The following TWF1 variants were observed in gnomAD, a reference collection of about 807,000 sequenced individuals.
The protein encoded by TWF1 is twinfilin actin binding protein 1.
In TWF1, 14 loss-of-function variants were observed where a neutral mutation model predicts 47.9. The observed-to-expected ratio is 0.29, with a 90% confidence interval of 0.19 to 0.46. TWF1 has a LOEUF of 0.46. Ranked by LOEUF, TWF1 falls within the 20% of genes least tolerant of loss-of-function variation. The pLI, the probability that TWF1 is intolerant of heterozygous loss-of-function variation, is 1.00. For missense variants in TWF1, 281 were observed against 409.3 expected, an observed-to-expected ratio of 0.69 and a Z score of 2.70; for synonymous variants, 96 against 139.2, an observed-to-expected ratio of 0.69 and a Z score of 2.18.
chr12:43,795,278 C>G lies in TWF1; in HGVS notation c.*307G>C, dbSNP rs891361041. 1 of 220,192 alleles carries G rather than the reference C, an allele frequency of 4.5e-6. No individual in the cohort carries two copies. The highest frequency in any genetic ancestry group is 9.8e-5 in the East Asian group (1 of 10,194). 13.6% of individuals were successfully genotyped at this position (220,192 alleles called of 1,614,324 possible). A position where few individuals can be genotyped will look rare whatever the true frequency, so the allele number is the denominator to read the frequency against. On this transcript the variant is annotated 3_prime_UTR_variant, in exon 9 of 9. Transcript: ENST00000395510. ...GTAGTAAGTTTACCCTTTGAGACATCAGACTTTCTAGAACTGGCCCAACTG... is the reference window on the plus strand; with the variant it reads ...GTAGTAAGTTTACCCTTTGAGACATGAGACTTTCTAGAACTGGCCCAACTG...
rs1204122092 is a variant in TWF1 at position 43,806,203 on chromosome 12, C to G, written c.25+18G>C. 1 of 1,539,698 alleles carries G rather than the reference C, an allele frequency of 6.5e-7. No individual in the cohort carries two copies. The highest frequency in any genetic ancestry group is 1.2e-5 in the South Asian group (1 of 83,682). ...TCCCGGAAGCCCCTTCCCTGCGAGT[C>G]GCGCCGGGCGCTGTTACCTTGGATG... On this transcript the variant is annotated intron_variant, in intron 1 of 8. Coordinates refer to ENST00000395510, the MANE Select transcript of TWF1 (RefSeq NM_002822.5).
In TWF1 at chr12:43,800,466, T is replaced by C. The variant is rs1289613968; in HGVS notation, c.347A>G (p.His116Arg). The change falls in exon 4 of 9, where the codon CAC becomes CGC. Residue 116 changes from histidine (H) to arginine (R), a missense_variant. Coordinates refer to ENST00000395510, the MANE Select transcript of TWF1 (RefSeq NM_002822.5). ...TGTTCCAAATACTTCATCTTTAATG[T>C]GGCCACCTCCAAATTCCTTCTTCAG... The part of the protein sequence containing the change: ...ATLKKEFGGG[H>R]IKDEVFGTVK... 3 of 1,613,712 alleles carry C rather than the reference T, an allele frequency of 1.9e-6. No homozygotes were observed. The highest frequency in any genetic ancestry group is 2.5e-6 in the Non-Finnish European group (3 of 1,179,896).
chr12:43,802,425 G>C lies in TWF1; in HGVS notation c.143C>G (p.Ser48Cys), dbSNP rs771493356. Residue 48 changes from serine (S) to cysteine (C), a missense_variant, in exon 3 of 9, where the codon TCC (serine) becomes TGC (cysteine). Coordinates refer to ENST00000395510, the MANE Select transcript of TWF1 (RefSeq NM_002822.5). ...AAAGGAATCATAATCCTTATCCCAG[G>C]AATCTGAAGGCTGACTATATGATCC... ...VIGSYSQPSD[S>C]WDKDYDSFVL... The C allele has an allele frequency of 6.2e-7, 1 of 1,602,514 alleles. No individual in the cohort carries two copies. Among genetic ancestry groups the C allele is most frequent in the East Asian group, 2.2e-5 (1 of 44,620 alleles).
At position 43,797,650 on chromosome 12, in the gene TWF1, T is replaced by C; in HGVS notation, c.609+58A>G. ...TAAAATCCATTAATAATAAACCCTA[T>C]ATGAGTCATAAACTACCAAAAAGAG... On this transcript the variant is annotated intron_variant, in intron 6 of 8. Transcript: ENST00000395510. 5 of 1,573,724 alleles carry C rather than the reference T, an allele frequency of 3.2e-6. No homozygotes were observed. In the South Asian group the frequency reaches 4.7e-5, roughly 15 times the overall value.
intron 1 of TWF1, among the ~76,000 whole-genome samples, chr12:43,804,922 T>C (rs1032987703): frequency 2.0e-5 from 3 of 152,226 alleles, no homozygotes; most frequent in Non-Finnish European, 4.4e-5. Context: ...GAAAACCTGC[T>C]TTCATTCTCT....
At chr12:43,799,364 A>G in intron 5 of TWF1, 34 bp downstream of exon 5, 2 of 1,392,140 alleles carry the variant, frequency 1.4e-6, no homozygotes, top group Non-Finnish European at 2.0e-6. Context: ...TCAAACACTT[A>G]AAATCTTGCA....
chr12:43,806,187 C>A (rs763367782), intron 1 of TWF1, 34 bp downstream of exon 1: 2 of 1,484,960 alleles, frequency 1.3e-6, no homozygotes, highest in Non-Finnish European at 1.8e-6. Context: ...CTCCCGGAAG[C>A]CCCTTCCCTG....
chr12:43,797,500 A>C, intron 6 of TWF1, 48 bp from the exon 7 acceptor site: 1 of 1,460,078 alleles, frequency 6.8e-7, no homozygotes, highest in East Asian at 2.4e-5. Flanking sequence ...ATATAAGGAA[A>C]TTAAGTTAAA....
chr12:43,800,294 ATAT>A, intron 4 of TWF1, 138 bp downstream of exon 4: 1 of 596,286 alleles, frequency 1.7e-6, no homozygotes, highest in Non-Finnish European at 2.9e-6. Flanking sequence ...GCTAACTTTA[ATAT>A]TATATGAAAT....
rs774982811 is a variant in TWF1, at chr12:43,799,456, G to C, written c.425C>G (p.Ser142Cys). The change falls in exon 5 of 9, where the codon TCT becomes TGT. Residue 142 changes from serine (S) to cysteine (C), a missense_variant. Ser to Cys is a moderately radical substitution (Grantham distance 112). Coordinates refer to ENST00000395510, the MANE Select transcript of TWF1 (RefSeq NM_002822.5). ...AGCTGCAGTCAGTGGGGCAGGGGAA[G>C]ATTGTGACAGCAAGTATTTTTTATA... ...HGYKKYLLSQSSPAPLTAAEE... is the reference protein window; with the variant it reads ...HGYKKYLLSQCSPAPLTAAEE... 6.2e-7 allele frequency: 1 copy of C among 1,610,286 alleles called. No homozygotes were observed. Among genetic ancestry groups the C allele is most frequent in the African/African-American group, 1.3e-5 (1 of 74,928 alleles).
At chr12:43,795,818 C>CA in intron 8 of TWF1, 63 bp from the exon 9 acceptor site, 1 of 1,546,688 alleles carries the variant, frequency 6.5e-7, no homozygotes, top group Middle Eastern at 1.8e-4. Context: ...AGCTGGTTTT[C>CA]AGGTATATGA....
In TWF1 at chr12:43,799,442, G is replaced by A. The variant is rs776200658; in HGVS notation, c.439C>T (p.Leu147=). 2 of 1,610,462 alleles carry A rather than the reference G, an allele frequency of 1.2e-6. No homozygotes were observed. Among genetic ancestry groups the A allele is most frequent in the Non-Finnish European group, 1.7e-6 (2 of 1,178,462 alleles). Residue 147 remains leucine, a synonymous_variant, in exon 5 of 9, where the codon CTG becomes TTG. Coordinates refer to ENST00000395510, the MANE Select transcript of TWF1 (RefSeq NM_002822.5). ...CGTAGTTCTTCCTCAGCTGCAGTCA[G>A]TGGGGCAGGGGAAGATTGTGACAGC... ...YLLSQSSPAP[L]TAAEEELRQI...
intron 6 of TWF1, 53 bp from the exon 7 acceptor site, chr12:43,797,505 G>A: frequency 2.1e-6 from 3 of 1,443,968 alleles, no homozygotes; most frequent in African/African-American, 1.4e-5. Context: ...AGGAAATTAA[G>A]TTAAAACATA....
intron 5 of TWF1, chr12:43,798,550 T>C (rs773920983): frequency 6.6e-6 from 10 of 1,520,994 alleles, no homozygotes; most frequent in East Asian, 4.9e-5. Flanking sequence ...TCATAGAACA[T>C]ATGCGAATGC....
chr12:43,805,963 G>C, intron 1 of TWF1: 1 of 1,545,086 alleles, frequency 6.5e-7, no homozygotes, highest in East Asian at 2.4e-5. Flanking sequence ...AGGCCGCCTC[G>C]AAAGCCAATT....
chr12:43,798,354 A>G (rs767787649), intron 5 of TWF1, among the ~76,000 whole-genome samples: 43 of 152,116 alleles, frequency 2.8e-4, no homozygotes, highest in Non-Finnish European at 5.1e-4. Context: ...CATGGTGTGC[A>G]TGTACTGGAA....
chr12:43,795,407 T>C lies in TWF1; in HGVS notation c.*178A>G, dbSNP rs192639904. 34 of 545,814 alleles carry C rather than the reference T, an allele frequency of 6.2e-5. No individual in the cohort carries two copies. In the East Asian group the frequency reaches 6.3e-4, roughly 10 times the overall value. 33.8% of individuals were successfully genotyped at this position (545,814 alleles called of 1,614,324 possible). On this transcript the variant is annotated 3_prime_UTR_variant, in exon 9 of 9. Coordinates refer to ENST00000395510, the MANE Select transcript of TWF1 (RefSeq NM_002822.5). ...CCCTTTTCTAGCTTTAACTCAAAAA[T>C]AGAAATCATGAGTCTTCTATAACAT...
chr12:43,802,796 CTTAAG>C (rs1229198930), intron 2 of TWF1, among the ~76,000 whole-genome samples: 3 of 152,188 alleles, frequency 2.0e-5, no homozygotes, highest in East Asian at 3.9e-4. Context: ...AATGTCTGAG[CTTAAG>C]TTATCAACAA....
intron 2 of TWF1, 21 bp downstream of exon 2, chr12:43,804,474 A>AT: frequency 6.8e-7 from 1 of 1,470,336 alleles, no homozygotes; most frequent in Non-Finnish European, 9.4e-7. Context: ...AACAGAAAAT[A>AT]TTTTAAAATA....
Sources: allele counts gnomAD v4.1 joint callset (sites outside exome capture counted in the v4.1 genomes callset), GRCh38; gene constraint gnomAD v4.1.1; transcripts MANE v1.5; gene names NCBI Gene and HGNC (gene_info 2026-07-23, HGNC 2026-07-21).